Variants in TRPC7 observed in about 807,000 individuals in gnomAD.
The protein encoded by TRPC7 is short transient receptor potential channel 7.
A neutral mutation model predicts 90.1 loss-of-function variants in TRPC7; 42 were observed. The ratio of observed to expected loss-of-function variants is 0.47; its 90% confidence interval spans 0.36 to 0.60. The LOEUF is 0.60. Ranked by LOEUF, TRPC7 falls within the 20% of genes least tolerant of loss-of-function variation. The probability of loss-of-function intolerance (pLI) is 0.00; values close to 1 mark genes in which losing one functional copy is unlikely to be tolerated. For missense variants in TRPC7, 955 were observed against 1,112.3 expected, an observed-to-expected ratio of 0.86 and a Z score of 2.01; for synonymous variants, 451 against 436.3, an observed-to-expected ratio of 1.03 and a Z score of -0.42.
intron 3 of TRPC7, among the ~76,000 whole-genome samples, chr5:136,280,461 A>G (rs1757513540): frequency 6.6e-6 from 1 of 152,160 alleles, no homozygotes. Flanking sequence ...TGATTGATAA[A>G]CTGAGGGTTT....
At chr5:136,271,128 A>G (rs1433040199) in intron 4 of TRPC7, among the ~76,000 whole-genome samples, 1 of 152,064 alleles carries the variant, frequency 6.6e-6, no homozygotes, top group African/African-American at 2.4e-5. Flanking sequence ...CTAGATATTC[A>G]TGTTTGGGAT....
intron 7 of TRPC7, among the ~76,000 whole-genome samples, chr5:136,243,015 G>C (rs1756217691): frequency 6.6e-6 from 1 of 152,202 alleles, no homozygotes; most frequent in Admixed American, 6.5e-5. Flanking sequence ...GAGGGAGGCG[G>C]TATGTGATTT....
rs764356170 is a variant in TRPC7 at position 136,315,826 on chromosome 5, A to AT, written c.781-48_781-47insA. The AT allele has an allele frequency of 3.8e-6, 6 of 1,578,234 alleles. No individual in the cohort carries two copies. The Admixed American group carries it at 1.0e-4, about 27-fold the overall frequency. ...AGCGGTATGTCACATGGAGGCCCGC[A>AT]GATTGGCTTGCCCAGCATAGCAGTG... On this transcript the variant is annotated intron_variant, in intron 2 of 11. Coordinates refer to ENST00000513104, the MANE Select transcript of TRPC7 (RefSeq NM_020389.3).
intron 5 of TRPC7, among the ~76,000 whole-genome samples, chr5:136,260,132 T>TCAA (rs1404347798): frequency 1.3e-5 from 2 of 152,114 alleles, no homozygotes; most frequent in Non-Finnish European, 2.9e-5. Context: ...TAAGTTGTTG[T>TCAA]CAACACAAGT....
chr5:136,305,342 A>G (rs1758579389), intron 3 of TRPC7, among the ~76,000 whole-genome samples: 1 of 152,158 alleles, frequency 6.6e-6, no homozygotes, highest in Non-Finnish European at 1.5e-5. Flanking sequence ...AAGGCAGGCT[A>G]TGCTATAGTA....
At chr5:136,320,183 C>T (rs957630871) in intron 2 of TRPC7, among the ~76,000 whole-genome samples, 5 of 152,054 alleles carry the variant, frequency 3.3e-5, no homozygotes, top group Non-Finnish European at 7.4e-5. Context: ...TTGAATTTAT[C>T]CTTGATTGCT....
At chr5:136,314,889 TA>T (rs1758960271) in intron 3 of TRPC7, among the ~76,000 whole-genome samples, 1 of 152,222 alleles carries the variant, frequency 6.6e-6, no homozygotes, top group Non-Finnish European at 1.5e-5. Context: ...TGTCATCTAA[TA>T]AAAGAGCAGA....
intron 7 of TRPC7, among the ~76,000 whole-genome samples, chr5:136,234,621 T>G (rs375589152): frequency 1.3e-5 from 2 of 152,316 alleles, no homozygotes; most frequent in East Asian, 3.9e-4. Flanking sequence ...AACTATGCAT[T>G]TCTAATGATC....
intron 5 of TRPC7, among the ~76,000 whole-genome samples, chr5:136,252,255 A>G (rs564400050): frequency 6.6e-6 from 1 of 152,158 alleles, no homozygotes; most frequent in African/African-American, 2.4e-5. Context: ...AGGAATTGTA[A>G]AGGGCTTTCT....
rs570868534 is a variant in TRPC7, at chr5:136,344,976, A to G, written c.780+11632T>C. The stretch of plus-strand genomic sequence containing the variant: ...GAATGTAAGCTCCATGAGGGCAGAG[A>G]CTACAGGGTTTTGATGGTCTTTAAG... On this transcript the variant is annotated intron_variant, in intron 2 of 11. Transcript: ENST00000513104. Among the ~76,000 whole-genome samples, 129 of 152,322 alleles carry G rather than the reference A, an allele frequency of 8.5e-4. 1 individual carries two copies. Among genetic ancestry groups the G allele is most frequent in the African/African-American group, 2.9e-3 (121 of 41,566 alleles).
chr5:136,330,225 A>G (rs1457015778), intron 2 of TRPC7, among the ~76,000 whole-genome samples: 1 of 152,252 alleles, frequency 6.6e-6, no homozygotes, highest in African/African-American at 2.4e-5. Flanking sequence ...AGGATGTAAG[A>G]AAATATTAAA....
chr5:136,339,440 C>T (rs548051936), intron 2 of TRPC7, among the ~76,000 whole-genome samples: 1 of 152,308 alleles, frequency 6.6e-6, no homozygotes, highest in Admixed American at 6.5e-5. Context: ...TTTATAACTG[C>T]TTACTGATCA....
At chr5:136,329,846 C>T (rs1759446625) in intron 2 of TRPC7, among the ~76,000 whole-genome samples, 1 of 152,184 alleles carries the variant, frequency 6.6e-6, no homozygotes, top group African/African-American at 2.4e-5. Flanking sequence ...CTCTCCTCAG[C>T]TTTCTGCTTT....
chr5:136,350,857 C>T (rs541616619), intron 2 of TRPC7, among the ~76,000 whole-genome samples: 1 of 152,326 alleles, frequency 6.6e-6, no homozygotes, highest in South Asian at 2.1e-4. Flanking sequence ...TGCTCAAACA[C>T]AGGACTAGAG....
chr5:136,365,236 C>A lies in TRPC7; in HGVS notation c.2+17G>T, dbSNP rs78396455. The A allele has an allele frequency of 6.5e-7, 1 of 1,536,902 alleles. No homozygotes were observed. Among genetic ancestry groups the A allele is most frequent in the Non-Finnish European group, 8.7e-7 (1 of 1,146,754 alleles). ...GGAAAAAAAAATCAATATGAAAGAACCATCATAGCTGCTTACATTGAGGGT... is the reference window on the plus strand; with the variant it reads ...GGAAAAAAAAATCAATATGAAAGAAACATCATAGCTGCTTACATTGAGGGT... On this transcript the variant is annotated intron_variant, in intron 1 of 11. Coordinates refer to ENST00000513104, the MANE Select transcript of TRPC7 (RefSeq NM_020389.3).
intron 7 of TRPC7, among the ~76,000 whole-genome samples, chr5:136,232,014 T>C (rs1279019034): frequency 2.0e-5 from 3 of 152,216 alleles, no homozygotes; most frequent in East Asian, 3.8e-4. Flanking sequence ...CATTCTGAGA[T>C]AATGTGATAT....
At chr5:136,280,992 G>A (rs568854422) in intron 3 of TRPC7, among the ~76,000 whole-genome samples, 2 of 152,294 alleles carry the variant, frequency 1.3e-5, no homozygotes, top group South Asian at 2.1e-4. Flanking sequence ...ACCCAGGCCA[G>A]TTTGACATCA....
intron 1 of TRPC7, 41 bp downstream of exon 1, chr5:136,365,212 G>GAAA (rs11404834): frequency 2.0e-6 from 3 of 1,512,956 alleles, no homozygotes; most frequent in African/African-American, 2.8e-5. Flanking sequence ...ACCTCTACTG[G>GAAA]AAAAAAAAAT....
intron 8 of TRPC7, among the ~76,000 whole-genome samples, chr5:136,230,356 C>T (rs1010765900): frequency 6.6e-6 from 1 of 152,174 alleles, no homozygotes; most frequent in African/African-American, 2.4e-5. Flanking sequence ...CAACAGGCAC[C>T]CCGTGGTGTC....
Sources: allele counts gnomAD v4.1 joint callset (sites outside exome capture counted in the v4.1 genomes callset), GRCh38; gene constraint gnomAD v4.1.1; transcripts MANE v1.5; gene names NCBI Gene and HGNC (gene_info 2026-07-23, HGNC 2026-07-21).